CNNM2: variants seen among roughly 807,000 people sequenced by gnomAD.
CNNM2 encodes cyclin and CBS domain divalent metal cation transport mediator 2.
A neutral mutation model predicts 66.9 loss-of-function variants in CNNM2; 12 were observed. The ratio of observed to expected loss-of-function variants is 0.18; its 90% confidence interval spans 0.11 to 0.29. CNNM2 has a LOEUF of 0.29. CNNM2 is among the 10% of genes least tolerant of loss of function. The pLI is 1.00. For missense variants in CNNM2, 705 were observed against 1,167.7 expected, an observed-to-expected ratio of 0.60 and a Z score of 5.77; for synonymous variants, 557 against 501.8, an observed-to-expected ratio of 1.11 and a Z score of -1.47.
intron 5 of CNNM2, among the ~76,000 whole-genome samples, chr10:103,071,207 AG>A (rs1360354978): frequency 1.3e-5 from 2 of 152,176 alleles, no homozygotes; most frequent in African/African-American, 4.8e-5. Flanking sequence ...GCAGTGAGTA[AG>A]TGGTGATGAG....
intron 6 of CNNM2, among the ~76,000 whole-genome samples, chr10:103,074,242 C>T (rs898585069): frequency 4.6e-5 from 7 of 152,186 alleles, no homozygotes; most frequent in Admixed American, 3.3e-4. Context: ...GGGCCAAGAT[C>T]GCACCACTGC....
At chr10:103,018,686 CTTTTTTTTT>C (rs370000130) in intron 1 of CNNM2, among the ~76,000 whole-genome samples, 7 of 116,274 alleles carry the variant, frequency 6.0e-5, no homozygotes, top group African/African-American at 2.1e-4. Flanking sequence ...CTCTTCTTTC[CTTTTTTTTT>C]TTTTTTTTTT....
chr10:102,954,644 G>A (rs1846968347), intron 1 of CNNM2, among the ~76,000 whole-genome samples: 1 of 152,064 alleles, frequency 6.6e-6, no homozygotes, highest in Non-Finnish European at 1.5e-5. Context: ...GGAATTTACA[G>A]CAATGCAATC....
chr10:103,051,056 C>T (rs1010702695), intron 2 of CNNM2, among the ~76,000 whole-genome samples: 4 of 151,972 alleles, frequency 2.6e-5, no homozygotes, highest in Non-Finnish European at 5.9e-5. Flanking sequence ...CATGGCTTGG[C>T]GGAGGGGAAA....
intron 1 of CNNM2, among the ~76,000 whole-genome samples, chr10:102,926,712 ATTTTT>A (rs376861078): frequency 1.6e-4 from 18 of 113,800 alleles, no homozygotes; most frequent in African/African-American, 4.8e-4. Flanking sequence ...CACCCAGCTA[ATTTTT>A]TTTTTTTTTT....
intron 1 of CNNM2, among the ~76,000 whole-genome samples, chr10:102,963,157 A>G (rs2063410611): frequency 6.6e-6 from 1 of 152,180 alleles, no homozygotes; most frequent in Non-Finnish European, 1.5e-5. Flanking sequence ...TTCTAGGAAA[A>G]CACTTCTGCA....
chr10:103,004,757 G>C (rs1289819217), intron 1 of CNNM2, among the ~76,000 whole-genome samples: 3 of 152,220 alleles, frequency 2.0e-5, no homozygotes, highest in African/African-American at 7.2e-5. Flanking sequence ...GTGTGAGTCT[G>C]TTTCGCTCAA....
Position 103,081,975 on chromosome 10 carries a change from C to T in CNNM2, c.*4795C>T, listed in dbSNP as rs905296309. The T allele has an allele frequency of 3.9e-5, 6 of 152,196 alleles. No homozygotes were observed. Among genetic ancestry groups the T allele is most frequent in the Non-Finnish European group, 8.8e-5 (6 of 68,040 alleles). The allele number at this position is 152,196 out of a possible 1,614,324, so 9.4% of individuals were successfully genotyped here. On this transcript the variant is annotated 3_prime_UTR_variant, in exon 8 of 8. Coordinates refer to ENST00000369878, the MANE Select transcript of CNNM2 (RefSeq NM_017649.5). ...GCTAGAGCTACTGACATCATCTCTA[C>T]TAGAATTGTTTTAAATATCTTTTGA...
chr10:102,928,511 G>A (rs1845954577), intron 1 of CNNM2, among the ~76,000 whole-genome samples: 1 of 151,584 alleles, frequency 6.6e-6, no homozygotes, highest in African/African-American at 2.4e-5. Context: ...GAACCCATGA[G>A]GTGGAGGTTG....
At chr10:103,039,678 G>A (rs1020184532) in intron 1 of CNNM2, among the ~76,000 whole-genome samples, 4 of 152,120 alleles carry the variant, frequency 2.6e-5, no homozygotes, top group Admixed American at 2.0e-4. Context: ...GCCTAGGTAC[G>A]GTGCGGCTGT....
Position 103,025,037 on chromosome 10 carries a change from A to G in CNNM2, c.1622-24670A>G, listed in dbSNP as rs1538205. Among the ~76,000 whole-genome samples the G allele has an allele frequency of 0.018, 2,681 of 152,270 alleles. 25 individuals carry two copies. The highest frequency in any genetic ancestry group is 0.026 in the Non-Finnish European group (1,741 of 68,016). ...GGTTATCCACTACTAATGATTTTAA[A>G]TTTGATCACTTGATTAAGGTAGTGA... On this transcript the variant is annotated intron_variant, in intron 1 of 7. Coordinates refer to ENST00000369878, the MANE Select transcript of CNNM2 (RefSeq NM_017649.5).
chr10:103,074,794 A>G (rs1165577279), intron 6 of CNNM2, among the ~76,000 whole-genome samples: 6 of 152,222 alleles, frequency 3.9e-5, no homozygotes, highest in African/African-American at 1.4e-4. Context: ...AGATCACACT[A>G]CTGCATTCCA....
intron 1 of CNNM2, among the ~76,000 whole-genome samples, chr10:103,024,930 C>T (rs1262067287): frequency 2.0e-5 from 3 of 152,158 alleles, no homozygotes; most frequent in Non-Finnish European, 4.4e-5. Flanking sequence ...TTCCTGACTA[C>T]ATTAAACACC....
At chr10:102,930,083 G>A (rs547194038) in intron 1 of CNNM2, among the ~76,000 whole-genome samples, 1 of 152,302 alleles carries the variant, frequency 6.6e-6, no homozygotes, top group African/African-American at 2.4e-5. Flanking sequence ...TATGTTGTAT[G>A]TGTGTTGCAG....
At chr10:102,932,934 A>G (rs971807567) in intron 1 of CNNM2, among the ~76,000 whole-genome samples, 6 of 151,976 alleles carry the variant, frequency 3.9e-5, no homozygotes, top group African/African-American at 1.5e-4. Context: ...AAAAAAAAAA[A>G]AAAATTGGCC....
chr10:102,928,358 G>C (rs149944362), intron 1 of CNNM2, among the ~76,000 whole-genome samples: 1 of 151,964 alleles, frequency 6.6e-6, no homozygotes, highest in Non-Finnish European at 1.5e-5. Context: ...AGGCCGAGGC[G>C]GGTGGATCAC....
At chr10:102,942,727 A>C (rs781680424) in intron 1 of CNNM2, among the ~76,000 whole-genome samples, 1 of 152,216 alleles carries the variant, frequency 6.6e-6, no homozygotes, top group African/African-American at 2.4e-5. Flanking sequence ...ATTTTTTGAG[A>C]AACTAAATAG....
chr10:102,926,401 C>T (rs1245190622), intron 1 of CNNM2, among the ~76,000 whole-genome samples: 1 of 152,146 alleles, frequency 6.6e-6, no homozygotes, highest in Non-Finnish European at 1.5e-5. Context: ...ATGGGGATTA[C>T]ACACTATCTT....
At chr10:103,057,941 A>AAT (rs1334839072) in intron 4 of CNNM2, among the ~76,000 whole-genome samples, 1 of 152,314 alleles carries the variant, frequency 6.6e-6, no homozygotes, top group Middle Eastern at 3.4e-3. Flanking sequence ...AGTTTCACTT[A>AAT]ATAGAGCTCT....
Sources: allele counts gnomAD v4.1 joint callset (sites outside exome capture counted in the v4.1 genomes callset), GRCh38; gene constraint gnomAD v4.1.1; transcripts MANE v1.5; gene names NCBI Gene and HGNC (gene_info 2026-07-23, HGNC 2026-07-21).